PPP3CC: variants seen among roughly 807,000 people sequenced by gnomAD.
The protein encoded by PPP3CC is serine/threonine-protein phosphatase 2B catalytic subunit gamma isoform.
PPP3CC carries 35 observed loss-of-function variants against 60.3 expected under a neutral mutation model. The ratio of observed to expected loss-of-function variants is 0.58; its 90% CI spans 0.44 to 0.77. The LOEUF (loss-of-function observed/expected upper bound fraction) is 0.77, where lower values mean the gene tolerates loss of function less well. PPP3CC is among the 30% of genes least tolerant of loss of function. The probability of loss-of-function intolerance (pLI) is 0.00; values close to 1 mark genes in which losing one functional copy is unlikely to be tolerated. For missense variants in PPP3CC, 570 were observed against 628.9 expected, an observed-to-expected ratio of 0.91 and a Z score of 1.00; for synonymous variants, 206 against 224.3, an observed-to-expected ratio of 0.92 and a Z score of 0.73.
At chr8:22,494,521 A>G (rs556572288) in intron 3 of PPP3CC, among the ~76,000 whole-genome samples, 34 of 152,334 alleles carry the variant, frequency 2.2e-4, no homozygotes, top group African/African-American at 7.9e-4. Flanking sequence ...TGTGAAATAT[A>G]TACAGAATAT....
At chr8:22,497,587 A>G (rs1241026292) in intron 3 of PPP3CC, among the ~76,000 whole-genome samples, 2 of 151,930 alleles carry the variant, frequency 1.3e-5, no homozygotes, top group African/African-American at 4.8e-5. Flanking sequence ...TTTTTTCTTT[A>G]CCCATTCTTA....
intron 4 of PPP3CC, among the ~76,000 whole-genome samples, chr8:22,498,557 A>C (rs1163801720): frequency 6.6e-6 from 1 of 152,246 alleles, no homozygotes; most frequent in Non-Finnish European, 1.5e-5. Flanking sequence ...GAAATAGTTC[A>C]GGTATACATA....
intron 1 of PPP3CC, among the ~76,000 whole-genome samples, chr8:22,455,355 T>C (rs1837165462): frequency 6.6e-6 from 1 of 152,222 alleles, no homozygotes; most frequent in African/African-American, 2.4e-5. Context: ...GACTAAATTG[T>C]AGACAATACC....
intron 1 of PPP3CC, among the ~76,000 whole-genome samples, chr8:22,450,286 A>G (rs752113135): frequency 2.0e-5 from 3 of 152,242 alleles, no homozygotes; most frequent in Non-Finnish European, 2.9e-5. Context: ...CTATGTTTTT[A>G]ATTTTATTGA....
At chr8:22,514,532 T>C (rs956193266) in intron 6 of PPP3CC, among the ~76,000 whole-genome samples, 19 of 151,896 alleles carry the variant, frequency 1.3e-4, no homozygotes, top group Non-Finnish European at 2.4e-4. Context: ...TATTTATGGG[T>C]TATATGAGAT....
At chr8:22,475,967 T>C (rs1409185034) in intron 3 of PPP3CC, among the ~76,000 whole-genome samples, 1 of 152,208 alleles carries the variant, frequency 6.6e-6, no homozygotes, top group Non-Finnish European at 1.5e-5. Context: ...TGACCTTAAT[T>C]ATAAGACCAT....
chr8:22,511,039 G>A (rs530636551), intron 4 of PPP3CC, 47 bp from the exon 5 acceptor site: 7 of 1,585,470 alleles, frequency 4.4e-6, no homozygotes, highest in African/African-American at 1.4e-5. Flanking sequence ...TTTTTCAAAT[G>A]TGATACGTTT....
chr8:22,534,206 A>AC (rs1235672916), intron 12 of PPP3CC, among the ~76,000 whole-genome samples: 1 of 151,628 alleles, frequency 6.6e-6, no homozygotes, highest in Non-Finnish European at 1.5e-5. Flanking sequence ...CAAAAAAAAA[A>AC]AAAAAAACAA....
intron 1 of PPP3CC, among the ~76,000 whole-genome samples, chr8:22,462,849 A>G (rs1837402759): frequency 6.6e-6 from 1 of 152,220 alleles, no homozygotes; most frequent in South Asian, 2.1e-4. Flanking sequence ...GTGGCTGCAC[A>G]GCAGCATTTA....
intron 3 of PPP3CC, among the ~76,000 whole-genome samples, chr8:22,480,244 T>C (rs1242215484): frequency 6.6e-6 from 1 of 152,206 alleles, no homozygotes; most frequent in Non-Finnish European, 1.5e-5. Flanking sequence ...ATAATCAGAA[T>C]TAAGACTGAG....
chr8:22,441,321 C>T lies in PPP3CC; in HGVS notation c.-89C>T, dbSNP rs752868133. On this transcript the variant is annotated 5_prime_UTR_variant, in exon 1 of 14. Transcript: ENST00000240139. ...GGCACGGCTGGCTGACGGCTCCGGG[C>T]AGCTAAGGCTGCCCGAGGAGAAGGC... 52 of 1,322,478 alleles carry T rather than the reference C, an allele frequency of 3.9e-5. No individual in the cohort carries two copies. Among genetic ancestry groups the T allele is most frequent in the Non-Finnish European group, 5.2e-5 (52 of 997,358 alleles). 81.9% of individuals were successfully genotyped at this position (1,322,478 alleles called of 1,614,324 possible). A position where few individuals can be genotyped will look rare whatever the true frequency, so the allele number is the denominator to read the frequency against.
chr8:22,510,111 A>G (rs1311165059), intron 4 of PPP3CC, among the ~76,000 whole-genome samples: 4 of 151,408 alleles, frequency 2.6e-5, no homozygotes, highest in Non-Finnish European at 1.5e-5. Context: ...AAGAACCCGG[A>G]AGGCAGAGCT....
chr8:22,527,346 T>C, intron 8 of PPP3CC, 46 bp from the exon 9 acceptor site: 1 of 1,602,934 alleles, frequency 6.2e-7, no homozygotes, highest in Non-Finnish European at 8.5e-7. Context: ...CCACTTGCCA[T>C]GCCATGTTCC....
intron 3 of PPP3CC, among the ~76,000 whole-genome samples, chr8:22,489,618 TATA>T (rs1313797207): frequency 7.0e-6 from 1 of 142,188 alleles, no homozygotes; most frequent in Non-Finnish European, 1.5e-5. Context: ...TAATATATAA[TATA>T]TAATAAGTAT....
At chr8:22,448,213 A>G (rs939791550) in intron 1 of PPP3CC, among the ~76,000 whole-genome samples, 8 of 152,168 alleles carry the variant, frequency 5.3e-5, no homozygotes, top group Non-Finnish European at 2.9e-5. Flanking sequence ...AAACGAAACA[A>G]AAAGGGCAGG....
chr8:22,454,846 A>C lies in PPP3CC; in HGVS notation c.49+13388A>C, dbSNP rs371450736. ...CACTTTGGGAGGCCGAGGCGGGTGG[A>C]TCATGAGTTCAGGAGATCGAGACCA... On this transcript the variant is annotated intron_variant, in intron 1 of 13. Coordinates refer to ENST00000240139, the MANE Select transcript of PPP3CC (RefSeq NM_005605.5). 3.3e-4 allele frequency among the ~76,000 whole-genome samples: 50 copies of C among 152,228 alleles called. No individual in the cohort carries two copies. The South Asian group carries it at 9.3e-3, about 28-fold the overall frequency.
chr8:22,468,953 T>G (rs1315210565), intron 1 of PPP3CC, among the ~76,000 whole-genome samples: 1 of 152,184 alleles, frequency 6.6e-6, no homozygotes, highest in African/African-American at 2.4e-5. Context: ...GTGATGGGAT[T>G]TCTGAGGCCA....
chr8:22,475,268 A>T, intron 2 of PPP3CC, 117 bp downstream of exon 2: 2 of 1,071,140 alleles, frequency 1.9e-6, no homozygotes, highest in Non-Finnish European at 2.7e-6. Flanking sequence ...AGAAATTATG[A>T]GACAGTCAGG....
At chr8:22,514,973 C>T (rs1307112565) in intron 6 of PPP3CC, among the ~76,000 whole-genome samples, 3 of 152,054 alleles carry the variant, frequency 2.0e-5, no homozygotes, top group Non-Finnish European at 4.4e-5. Context: ...CCACTGTGGC[C>T]GGCCTCTTCT....
Sources: gnomAD v4.1 joint callset for allele counts (sites outside exome capture counted in the v4.1 genomes callset) on GRCh38, gnomAD v4.1.1 for gene constraint, MANE v1.5 for transcripts, NCBI Gene and HGNC (gene_info 2026-07-23, HGNC 2026-07-21) for gene names.